Variants in PCAT7 observed in about 807,000 individuals in gnomAD.
PCAT7 encodes the protein prostate cancer associated transcript 7 (non-protein coding).
chr9:94,561,861 G>T (rs887876638), intron 2 of PCAT7, among the ~76,000 whole-genome samples: 1 of 152,194 alleles, frequency 6.6e-6, no homozygotes, highest in African/African-American at 2.4e-5. Context: ...AGCAAACGCA[G>T]ATCTATCTAT....
At chr9:94,563,477 C>T (rs770749332) in intron 2 of PCAT7, 28 of 1,610,616 alleles carry the variant, frequency 1.7e-5, no homozygotes, top group Admixed American at 1.3e-4. Context: ...AGACAGAAAG[C>T]GAAGAGACAA....
chr9:94,574,235 A>G (rs539682579), intron 3 of PCAT7, among the ~76,000 whole-genome samples: 2 of 152,306 alleles, frequency 1.3e-5, no homozygotes, highest in African/African-American at 4.8e-5. Context: ...TTTGATACAT[A>G]TTGAAAAATT....
intron 3 of PCAT7, among the ~76,000 whole-genome samples, chr9:94,573,829 G>A (rs2772011): frequency 0.49 from 73,958 of 152,042 alleles, 18,602 homozygotes; most frequent in East Asian, 0.61. Flanking sequence ...GATAACACTG[G>A]TTTCATAAAA....
At chr9:94,556,987 C>T (rs186434483) in intron 1 of PCAT7, among the ~76,000 whole-genome samples, 1 of 152,084 alleles carries the variant, frequency 6.6e-6, no homozygotes, top group Non-Finnish European at 1.5e-5. Flanking sequence ...ATGAGTTGAC[C>T]GTAAACGCGT....
At chr9:94,572,339 A>G (rs1348855811) in intron 2 of PCAT7, among the ~76,000 whole-genome samples, 1 of 151,984 alleles carries the variant, frequency 6.6e-6, no homozygotes, top group African/African-American at 2.4e-5. Context: ...ACACACGCAC[A>G]CTTATTTGAT....
At chr9:94,572,115 TTCTC>T (rs1827276087) in intron 2 of PCAT7, among the ~76,000 whole-genome samples, 1 of 152,092 alleles carries the variant, frequency 6.6e-6, no homozygotes, top group African/African-American at 2.4e-5. Context: ...GATTCTGCCT[TTCTC>T]TCTGACTCTG....
At chr9:94,558,893 A>G in intron 1 of PCAT7, 1 of 1,577,118 alleles carries the variant, frequency 6.3e-7, no homozygotes, top group Admixed American at 1.7e-5. Context: ...GGGTCCTTAG[A>G]CAAGGTGCAA....
chr9:94,571,595 T>C (rs1827270734), intron 2 of PCAT7: 1 of 1,612,030 alleles, frequency 6.2e-7, no homozygotes, highest in African/African-American at 1.3e-5. Flanking sequence ...AGGCTCATCC[T>C]CTGAGGTCTG....
intron 2 of PCAT7, among the ~76,000 whole-genome samples, chr9:94,563,120 G>C (rs1291768832): frequency 6.6e-6 from 1 of 152,224 alleles, no homozygotes; most frequent in African/African-American, 2.4e-5. Context: ...GGTAAGACCA[G>C]TGAGAATCAC....
intron 2 of PCAT7, chr9:94,567,332 C>T (rs1827204298): frequency 6.2e-7 from 1 of 1,614,050 alleles, no homozygotes; most frequent in East Asian, 2.2e-5. Flanking sequence ...TTGGCATAGC[C>T]CTCATTCAGG....
chr9:94,561,848 C>G (rs922149992), intron 2 of PCAT7, among the ~76,000 whole-genome samples: 2 of 152,118 alleles, frequency 1.3e-5, no homozygotes. Context: ...GGTGGTTATG[C>G]GCAGCAAACG....
chr9:94,562,709 G>A (rs540590035), intron 2 of PCAT7, among the ~76,000 whole-genome samples: 2 of 152,260 alleles, frequency 1.3e-5, no homozygotes, highest in East Asian at 3.9e-4. Flanking sequence ...ATTTTTATGG[G>A]AGGTTCTCTG....
chr9:94,556,167 T>A, intron 1 of PCAT7, among the ~76,000 whole-genome samples: 1 of 140,070 alleles, frequency 7.1e-6, no homozygotes, highest in Non-Finnish European at 1.5e-5. Context: ...GAAAAGAGGG[T>A]GGTGAGCAGC....
intron 1 of PCAT7, chr9:94,558,578 C>A: frequency 1.0e-5 from 3 of 285,980 alleles, no homozygotes; most frequent in Non-Finnish European, 2.0e-5. Flanking sequence ...CAGGCATGAG[C>A]CACCGCACCC....
chr9:94,572,262 C>G (rs183356446), intron 2 of PCAT7, among the ~76,000 whole-genome samples: 9 of 152,264 alleles, frequency 5.9e-5, no homozygotes, highest in Admixed American at 2.0e-4. Context: ...TTCCTCACCC[C>G]CTTATCCAAA....
At chr9:94,558,997 A>G in exon 2 of PCAT7, 1 of 1,613,974 alleles carries the variant, frequency 6.2e-7, no homozygotes, top group Non-Finnish European at 8.5e-7. Context: ...TCCTCTGGTG[A>G]CCCCAGAATG....
At position 94,562,184 on chromosome 9, in the gene PCAT7, G is replaced by A. The variant is rs1389089975; in HGVS notation, n.441+3032G>A. Among the ~76,000 whole-genome samples the A allele has an allele frequency of 7.9e-5, 12 of 151,946 alleles. No individual in the cohort carries two copies. In the South Asian group the frequency reaches 8.3e-4, roughly 11 times the overall value. ...AAATTAGCCAGGCGTGGTGGCGGGC[G>A]CCTGTAGTCCCAGCTACTCTGAGGC... On this transcript the variant is annotated intron_variant and non_coding_transcript_variant, in intron 2 of 8. Coordinates refer to ENST00000647389, the Ensembl canonical transcript of PCAT7.
intron 3 of PCAT7, among the ~76,000 whole-genome samples, chr9:94,573,268 GT>G (rs1564183940): frequency 6.6e-6 from 1 of 152,158 alleles, no homozygotes; most frequent in African/African-American, 2.4e-5. Context: ...AAGACTTTCT[GT>G]TTTTTCAGAG....
intron 2 of PCAT7, chr9:94,559,250 G>A (rs1024215822): frequency 1.6e-5 from 13 of 789,150 alleles, no homozygotes; most frequent in Middle Eastern, 3.8e-4. Context: ...TAGCATGAGC[G>A]CACCATGCAC....
Sources: allele counts gnomAD v4.1 joint callset (sites outside exome capture counted in the v4.1 genomes callset), GRCh38; gene constraint gnomAD v4.1.1; transcripts MANE v1.5; gene names NCBI Gene and HGNC (gene_info 2026-07-23, HGNC 2026-07-21).